SAMMSON: variants seen among roughly 807,000 people sequenced by gnomAD.
The protein encoded by SAMMSON is long intergenic non-protein coding RNA 1212.
intron 2 of SAMMSON, among the ~76,000 whole-genome samples, chr3:70,432,028 A>G (rs1701418473): frequency 6.6e-6 from 1 of 152,012 alleles, no homozygotes; most frequent in Admixed American, 6.6e-5. Flanking sequence ...TGCTATAAAG[A>G]TGTACATGTA....
chr3:70,144,746 A>G (rs2067541199), intron 4 of SAMMSON, among the ~76,000 whole-genome samples: 1 of 151,992 alleles, frequency 6.6e-6, no homozygotes, highest in African/African-American at 2.4e-5. Flanking sequence ...CAAGATCTAA[A>G]TGGTTTTTAA....
intron 9 of SAMMSON, among the ~76,000 whole-genome samples, chr3:70,377,089 A>G (rs992926961): frequency 2.0e-5 from 3 of 152,168 alleles, no homozygotes; most frequent in Non-Finnish European, 4.4e-5. Flanking sequence ...AATAAACTGT[A>G]ATCTCAATTA....
intron 7 of SAMMSON, among the ~76,000 whole-genome samples, chr3:70,327,248 C>G (rs184958652): frequency 6.6e-6 from 1 of 152,148 alleles, no homozygotes. Flanking sequence ...TAAGAAGAAC[C>G]GATTTGCTTT....
chr3:70,249,627 T>A (rs1045549538), exon 6 of SAMMSON: 1 of 152,112 alleles, frequency 6.6e-6, no homozygotes, highest in African/African-American at 2.4e-5. Context: ...AGAAATGTAA[T>A]GTTTTGGTCA....
intron 4 of SAMMSON, among the ~76,000 whole-genome samples, chr3:70,200,590 A>C (rs1355598488): frequency 1.3e-5 from 2 of 152,140 alleles, no homozygotes; most frequent in East Asian, 3.9e-4. Context: ...TCCTTGCTGA[A>C]ACTCTCACAG....
downstream of SAMMSON, among the ~76,000 whole-genome samples, chr3:70,394,615 G>A (rs1024465915): frequency 1.3e-5 from 2 of 152,166 alleles, no homozygotes; most frequent in African/African-American, 4.8e-5. Flanking sequence ...TAATGGTTGT[G>A]CAGCAGTGTG....
rs183204941 is a variant in SAMMSON at position 70,401,220 on chromosome 3, G to A, written n.233+42896G>A. ...CAAATTAGACTCCACATTAACAGAGGTTTTCTGGATAATGTTTCATATCAT... is the reference window on the plus strand; with the variant it reads ...CAAATTAGACTCCACATTAACAGAGATTTTCTGGATAATGTTTCATATCAT... On this transcript the variant is annotated intron_variant and non_coding_transcript_variant, in intron 2 of 3. Coordinates refer to the SAMMSON transcript ENST00000641053. 3.9e-5 allele frequency among the ~76,000 whole-genome samples: 6 copies of A among 152,200 alleles called. No individual in the cohort carries two copies. The East Asian group carries it at 9.7e-4, about 24-fold the overall frequency.
intron 4 of SAMMSON, among the ~76,000 whole-genome samples, chr3:70,122,194 TA>T (rs1299318258): frequency 6.6e-6 from 1 of 152,222 alleles, no homozygotes; most frequent in African/African-American, 2.4e-5. Context: ...TCTTTCCTAT[TA>T]ATTTTCCTTT....
rs61355248 is a variant in SAMMSON at position 70,250,411 on chromosome 3, T to TCA, written n.674+780_674+781dup. The stretch of plus-strand genomic sequence containing the variant: ...TTCGGTATTTTTCTTTTAATGAATC[T>TCA]CACACACACACACACACACACACAC... On this transcript the variant is annotated intron_variant and non_coding_transcript_variant, in intron 6 of 9. Coordinates refer to ENST00000642114, the Ensembl canonical transcript of SAMMSON. Among the ~76,000 whole-genome samples the TCA allele has an allele frequency of 0.032, 3,990 of 124,858 alleles. 115 individuals carry two copies. In the East Asian group the frequency reaches 0.32, roughly 10 times the overall value. The allele number at this position is 124,858 out of a possible 152,430, so 81.9% of individuals were successfully genotyped here.
At chr3:70,212,795 T>C (rs902276608) in intron 4 of SAMMSON, among the ~76,000 whole-genome samples, 1 of 148,198 alleles carries the variant, frequency 6.7e-6, no homozygotes, top group African/African-American at 2.6e-5. Context: ...CCATTTTCTC[T>C]CTCTTTTTTT....
At chr3:70,141,669 CCAAA>C (rs1281375613) in intron 4 of SAMMSON, among the ~76,000 whole-genome samples, 5 of 152,264 alleles carry the variant, frequency 3.3e-5, no homozygotes, top group African/African-American at 1.2e-4. Flanking sequence ...CTTACATTTC[CCAAA>C]CAGTTTCAAA....
rs558876094 is a variant in SAMMSON, at chr3:70,085,602, A to T, written n.507+14037A>T. ...GACCTCTTCTTGATATATTGAAGGA[A>T]GTCACTCTTCCTCCCAAACTCCTGA... On this transcript the variant is annotated intron_variant and non_coding_transcript_variant, in intron 4 of 9. Transcript: ENST00000642114. 2.6e-5 allele frequency among the ~76,000 whole-genome samples: 4 copies of T among 152,326 alleles called. No homozygotes were observed. In the South Asian group the frequency reaches 8.3e-4, roughly 32 times the overall value.
At chr3:70,423,677 A>C (rs1701331114) in intron 2 of SAMMSON, among the ~76,000 whole-genome samples, 2 of 152,288 alleles carry the variant, frequency 1.3e-5, no homozygotes, top group South Asian at 2.1e-4. Flanking sequence ...ATGAGGTCTA[A>C]AAAGTATAGG....
intron 4 of SAMMSON, among the ~76,000 whole-genome samples, chr3:70,245,509 A>G (rs1281397294): frequency 1.3e-5 from 2 of 151,574 alleles, no homozygotes; most frequent in East Asian, 3.9e-4. Context: ...TAACTTAAAT[A>G]GAAAGCAGTT....
intron 6 of SAMMSON, among the ~76,000 whole-genome samples, chr3:70,277,068 A>T (rs1418697121): frequency 1.3e-5 from 2 of 152,158 alleles, no homozygotes; most frequent in African/African-American, 4.8e-5. Context: ...TGAAATCAGA[A>T]TTATTGAGAT....
At chr3:70,287,858 A>G (rs1205844489) in intron 6 of SAMMSON, among the ~76,000 whole-genome samples, 45 of 148,302 alleles carry the variant, frequency 3.0e-4, no homozygotes, top group South Asian at 6.4e-4. Context: ...AGGTGTTTGT[A>G]GTATTCTCTG....
chr3:70,125,258 A>G, intron 4 of SAMMSON: 1 of 1,270,932 alleles, frequency 7.9e-7, no homozygotes, highest in Admixed American at 1.7e-5. Context: ...TATATCAAAC[A>G]TGATCTACTG....
At chr3:70,418,351 T>A (rs1701282045) in intron 2 of SAMMSON, among the ~76,000 whole-genome samples, 1 of 152,206 alleles carries the variant, frequency 6.6e-6, no homozygotes, top group Non-Finnish European at 1.5e-5. Context: ...CATTTTAAAT[T>A]TCTCCTCTTC....
At chr3:70,371,944 C>A (rs190990962) in intron 9 of SAMMSON, among the ~76,000 whole-genome samples, 1 of 152,020 alleles carries the variant, frequency 6.6e-6, no homozygotes, top group African/African-American at 2.4e-5. Flanking sequence ...ATCTTTTCCC[C>A]ATTTTATGTG....
Sources: allele counts gnomAD v4.1 joint callset (sites outside exome capture counted in the v4.1 genomes callset), GRCh38; gene constraint gnomAD v4.1.1; transcripts MANE v1.5; gene names NCBI Gene and HGNC (gene_info 2026-07-23, HGNC 2026-07-21).